The following INSL6 variants were observed in gnomAD, a reference collection of about 807,000 sequenced individuals.
INSL6 encodes insulin like 6, also known as insulin-like peptide INSL6.
A neutral mutation model predicts 9.4 loss-of-function variants in INSL6; 16 were observed. That is an observed-to-expected ratio of 1.70 (90% CI 1.15 to 2.59). INSL6 has a LOEUF of 2.59. Ranked by LOEUF, INSL6 falls within the 30% of genes most tolerant of loss-of-function variation. The pLI is 0.00. For synonymous variants in INSL6, 154 were observed against 96.9 expected, an observed-to-expected ratio of 1.59 and a Z score of -3.46; for missense variants, 391 against 257.3, an observed-to-expected ratio of 1.52 and a Z score of -3.56.
the INSL6 span, among the ~76,000 whole-genome samples, chr9:5,093,673 G>C: frequency 1.3e-5 from 2 of 152,150 alleles, no homozygotes; most frequent in Non-Finnish European, 2.9e-5. Flanking sequence ...GACCACAGTA[G>C]TCTAAGCGAG....
At chr9:5,166,770 C>T (rs545867383) in intron 1 of INSL6, among the ~76,000 whole-genome samples, 1 of 152,224 alleles carries the variant, frequency 6.6e-6, no homozygotes, top group East Asian at 1.9e-4. Context: ...AGAAAACGAG[C>T]AAAAGCTGCC....
intron 1 of INSL6, among the ~76,000 whole-genome samples, chr9:5,174,383 T>C (rs1358132435): frequency 1.3e-5 from 2 of 152,352 alleles, no homozygotes; most frequent in African/African-American, 4.8e-5. Context: ...ACTTCTCTTA[T>C]GAAGGTCACA....
downstream of INSL6, chr9:5,163,798 G>T (rs189745294): frequency 3.3e-5 from 23 of 699,268 alleles, no homozygotes; most frequent in Non-Finnish European, 5.1e-5. Flanking sequence ...TCAAGTGCTT[G>T]CAAGTACATT....
At chr9:5,050,820 T>C in the INSL6 span, 4 of 1,613,282 alleles carry the variant, frequency 2.5e-6, no homozygotes, top group Non-Finnish European at 3.4e-6. Context: ...TGGCCATCTA[T>C]AACTCTATCA....
the INSL6 span, among the ~76,000 whole-genome samples, chr9:5,010,354 C>T: frequency 2.0e-5 from 3 of 148,368 alleles, no homozygotes; most frequent in Non-Finnish European, 4.5e-5. Context: ...GACGGAGTCT[C>T]GCTCTGTCGC....
At chr9:5,024,437 T>C in the INSL6 span, among the ~76,000 whole-genome samples, 1 of 152,092 alleles carries the variant, frequency 6.6e-6, no homozygotes, top group African/African-American at 2.4e-5. Flanking sequence ...TCTCATTCAG[T>C]GTTTACCCAG....
chr9:5,065,525 A>C, the INSL6 span, among the ~76,000 whole-genome samples: 5,440 of 152,314 alleles, frequency 0.036, 256 homozygotes, highest in African/African-American at 0.11. Flanking sequence ...TGTGTAACAC[A>C]GCAGCCACTA....
the INSL6 span, chr9:5,110,571 TCTTCC>T: frequency 5.8e-6 from 1 of 172,710 alleles, no homozygotes; most frequent in Non-Finnish European, 1.2e-5. Flanking sequence ...CTTCACTTCC[TCTTCC>T]CTTATTATTG....
the INSL6 span, among the ~76,000 whole-genome samples, chr9:5,103,339 G>A: frequency 6.9e-6 from 1 of 144,174 alleles, no homozygotes; most frequent in Non-Finnish European, 1.5e-5. Flanking sequence ...ATTACATAAT[G>A]GTAAAAGGAT....
intron 2 of INSL6, among the ~76,000 whole-genome samples, chr9:5,138,793 T>A (rs1824434230): frequency 6.6e-6 from 1 of 152,060 alleles, no homozygotes; most frequent in South Asian, 2.1e-4. Flanking sequence ...AGTTACCTAA[T>A]TACAATCTCT....
intron 2 of INSL6, among the ~76,000 whole-genome samples, chr9:5,145,605 G>C (rs933941727): frequency 6.6e-6 from 1 of 152,144 alleles, no homozygotes; most frequent in Non-Finnish European, 1.5e-5. Context: ...ATCAGTTGCA[G>C]GCTGGGTCTC....
chr9:5,065,419 T>C, the INSL6 span, among the ~76,000 whole-genome samples: 1 of 152,182 alleles, frequency 6.6e-6, no homozygotes, highest in African/African-American at 2.4e-5. Context: ...CTCCTTCTAC[T>C]GAAAGGTTCA....
At chr9:5,048,449 A>C in the INSL6 span, among the ~76,000 whole-genome samples, 84 of 152,230 alleles carry the variant, frequency 5.5e-4, no homozygotes, top group African/African-American at 1.9e-3. Context: ...CCCATCTACT[A>C]GTTCTATAGG....
the INSL6 span, chr9:5,112,645 G>C: frequency 3.0e-6 from 3 of 1,008,904 alleles, no homozygotes; most frequent in African/African-American, 1.7e-5. Flanking sequence ...AGAAGCCCCA[G>C]ACCAAACTCC....
At chr9:4,994,011 T>C in the INSL6 span, among the ~76,000 whole-genome samples, 6 of 152,222 alleles carry the variant, frequency 3.9e-5, no homozygotes, top group Non-Finnish European at 5.9e-5. Context: ...GTTCCCACCT[T>C]GTGCCTTGAG....
At chr9:5,180,965 T>G (rs988654637) in intron 1 of INSL6, among the ~76,000 whole-genome samples, 2 of 152,160 alleles carry the variant, frequency 1.3e-5, no homozygotes, top group African/African-American at 2.4e-5. Context: ...AACTTGATGG[T>G]TTGAGGCTCA....
the INSL6 span, chr9:5,111,921 T>A: frequency 5.7e-6 from 2 of 349,224 alleles, no homozygotes; most frequent in Admixed American, 7.2e-5. Context: ...GGCCTCAATC[T>A]ACTCTCCGGA....
the INSL6 span, among the ~76,000 whole-genome samples, chr9:5,105,562 T>G: frequency 6.6e-6 from 1 of 152,152 alleles, no homozygotes; most frequent in East Asian, 1.9e-4. Flanking sequence ...TGGAAACAAC[T>G]ACTTTCAAGT....
intron 3 of INSL6, chr9:5,128,086 G>GTGTGTGTC (rs1354850831): frequency 3.4e-5 from 2 of 58,170 alleles, no homozygotes; most frequent in African/African-American, 8.7e-5. Flanking sequence ...GGTTTTGTGT[G>GTGTGTGTC]TGTGTGTGTG....
Sources: gnomAD v4.1 joint callset for allele counts (sites outside exome capture counted in the v4.1 genomes callset) on GRCh38, gnomAD v4.1.1 for gene constraint, MANE v1.5 for transcripts, NCBI Gene and HGNC (gene_info 2026-07-23, HGNC 2026-07-21) for gene names.